ZC3H11A: variants seen among roughly 807,000 people sequenced by gnomAD.
ZC3H11A encodes zinc finger CCCH-type containing 11A.
Under a neutral mutation model 90.8 loss-of-function variants are expected in ZC3H11A, and 22 were observed. That is an observed-to-expected ratio of 0.24 (90% CI 0.17 to 0.35). The LOEUF is 0.35. ZC3H11A is among the 10% of genes least tolerant of loss of function. The pLI, the probability that ZC3H11A is intolerant of heterozygous loss-of-function variation, is 1.00. For missense variants in ZC3H11A, 701 were observed against 964.9 expected, an observed-to-expected ratio of 0.73 and a Z score of 3.62; for synonymous variants, 294 against 339.8, an observed-to-expected ratio of 0.87 and a Z score of 1.48.
At chr1:203,819,201 A>G (rs996493831) in intron 4 of ZC3H11A, among the ~76,000 whole-genome samples, 1 of 148,162 alleles carries the variant, frequency 6.7e-6, no homozygotes, top group Non-Finnish European at 1.5e-5. Flanking sequence ...ACTTTCCTCT[A>G]TGCAATTTTT....
chr1:203,819,089 TACACAC>T (rs200302232), intron 4 of ZC3H11A, among the ~76,000 whole-genome samples: 51,255 of 140,778 alleles, frequency 0.36, 9,810 homozygotes, highest in South Asian at 0.49. Flanking sequence ...TATATATATA[TACACAC>T]ACACACACAC....
At chr1:203,824,601 C>T (rs1213529692) in intron 4 of ZC3H11A, among the ~76,000 whole-genome samples, 1 of 152,078 alleles carries the variant, frequency 6.6e-6, no homozygotes, top group African/African-American at 2.4e-5. Context: ...AGTCACATTT[C>T]CAGGTGAGGC....
chr1:203,798,945 G>T, intron 1 of ZC3H11A: 1 of 1,536,062 alleles, frequency 6.5e-7, no homozygotes, highest in African/African-American at 1.4e-5. Flanking sequence ...TTTAGAGAAT[G>T]TTCAAAGCCA....
At position 203,818,660 on chromosome 1, in the gene ZC3H11A, G is replaced by T. The variant is rs1178032410; in HGVS notation, c.145G>T (p.Val49Leu). Residue 49 changes from valine to leucine, a missense_variant, in exon 4 of 18, where the codon GTG becomes TTG. Around this residue, in one of 4 missense-constraint regions of ZC3H11A, gnomAD observed 59 missense variants for 132.8 expected, o/e 0.44. Coordinates refer to ENST00000367210, the MANE Select transcript of ZC3H11A (RefSeq NM_001376342.1). ...LWQEGRCFRQ[V>L]CRFRHMEIDK... ...GCAAGAAGGGCGCTGTTTTCGACAG[G>T]TGTGCAGGTTTCGGCACATGGAGAT... 2 of 1,614,158 alleles carry T rather than the reference G, an allele frequency of 1.2e-6. No individual in the cohort carries two copies.
Position 203,802,022 on chromosome 1 carries a change from G to C in ZC3H11A, c.-1140G>C, listed in dbSNP as rs1670674455. The C allele has an allele frequency of 6.6e-6, 1 of 152,574 alleles. No homozygotes were observed. The highest frequency in any genetic ancestry group is 2.4e-5 in the African/African-American group (1 of 41,450). 9.5% of individuals were successfully genotyped at this position (152,574 alleles called of 1,614,324 possible). On this transcript the variant is annotated 5_prime_UTR_variant, in exon 2 of 18. Transcript: ENST00000367210. ...ATTTAATGGCAAACCAGTGATACTGGTGTTGATACAAAATAAGAAATAAAT... is the reference window on the plus strand; with the variant it reads ...ATTTAATGGCAAACCAGTGATACTGCTGTTGATACAAAATAAGAAATAAAT...
intron 1 of ZC3H11A, chr1:203,799,665 CT>C (rs1260574935): frequency 1.4e-6 from 1 of 705,366 alleles, no homozygotes; most frequent in African/African-American, 1.7e-5. Context: ...GGTGCTACCC[CT>C]AATCCATCAT....
chr1:203,811,900 C>T (rs993156822), intron 2 of ZC3H11A, among the ~76,000 whole-genome samples: 2 of 151,616 alleles, frequency 1.3e-5, no homozygotes, highest in African/African-American at 4.8e-5. Context: ...ACTGCAACCT[C>T]CACCTCCTGT....
chr1:203,798,532 C>A, intron 1 of ZC3H11A: 2 of 1,536,110 alleles, frequency 1.3e-6, no homozygotes, highest in Non-Finnish European at 1.7e-6. Context: ...GAAGCTGAGA[C>A]TGAGAGAAGT....
chr1:203,806,441 A>G (rs1469488928), intron 2 of ZC3H11A, among the ~76,000 whole-genome samples: 2 of 152,064 alleles, frequency 1.3e-5, no homozygotes, highest in African/African-American at 4.8e-5. Context: ...AGCTGGGATT[A>G]TAGGCATCTG....
At chr1:203,834,972 G>A (rs868589770) in intron 10 of ZC3H11A, among the ~76,000 whole-genome samples, 2 of 152,184 alleles carry the variant, frequency 1.3e-5, no homozygotes, top group Non-Finnish European at 2.9e-5. Context: ...AATTTTTTCT[G>A]ACTTCAGAAT....
At chr1:203,805,898 C>A in intron 2 of ZC3H11A, 1 of 707,336 alleles carries the variant, frequency 1.4e-6, no homozygotes, top group South Asian at 1.3e-5. Flanking sequence ...TCAATCTGGT[C>A]AGTTTTCACT....
chr1:203,831,535 C>T (rs111549977), intron 8 of ZC3H11A, 126 bp from the exon 9 acceptor site: 1 of 711,698 alleles, frequency 1.4e-6, no homozygotes, highest in East Asian at 2.7e-5. Flanking sequence ...TACAGAAAGG[C>T]TGATTGGCTT....
intron 8 of ZC3H11A, among the ~76,000 whole-genome samples, chr1:203,831,209 A>C (rs1418150778): frequency 6.6e-6 from 1 of 151,828 alleles, no homozygotes. Context: ...CCCCAGCCTT[A>C]AAATTTATAG....
intron 17 of ZC3H11A, 64 bp from the exon 18 acceptor site, chr1:203,852,077 A>T (rs1689450643): frequency 6.2e-7 from 1 of 1,601,064 alleles, no homozygotes. Flanking sequence ...TGTCCGTGAG[A>T]CTAGGTGATT....
At position 203,797,836 on chromosome 1, in the gene ZC3H11A, A is replaced by G. The variant is rs3737972; in HGVS notation, c.-1588+2042A>G. ...GATGCCCCTGCTTTGTTAGCTTCCA[A>G]TGACCCTGAGCAGGATGAAGAAAGT... On this transcript the variant is annotated intron_variant, in intron 1 of 17. Coordinates refer to ENST00000367210, the MANE Select transcript of ZC3H11A (RefSeq NM_001376342.1). 0.029 allele frequency: 44,179 copies of G among 1,535,986 alleles called. 3,228 individuals carry two copies. In the East Asian group the frequency reaches 0.33, roughly 11 times the overall value.
At chr1:203,817,163 T>C in intron 3 of ZC3H11A, 39 bp downstream of exon 3, 1 of 1,533,440 alleles carries the variant, frequency 6.5e-7, no homozygotes, top group East Asian at 2.3e-5. Context: ...TTTCTACAAT[T>C]TGCTTAATAG....
intron 15 of ZC3H11A, 22 bp downstream of exon 15, chr1:203,850,048 A>G (rs553777723): frequency 6.2e-7 from 1 of 1,610,786 alleles, no homozygotes. Flanking sequence ...TATACTGTGT[A>G]TTGCTTTAGG....
At position 203,818,307 on chromosome 1, in the gene ZC3H11A, A is replaced by T. The variant is rs1295430994; in HGVS notation, c.55-263A>T. Among the ~76,000 whole-genome samples the T allele has an allele frequency of 3.5e-3, 539 of 151,896 alleles. 4 individuals carry two copies. Among genetic ancestry groups the T allele is most frequent in the Non-Finnish European group, 6.4e-3 (436 of 67,904 alleles). ...AATACATTTTTAAAGAGGACCTAAC[A>T]CTCCTACTTGTCTTTTTCAACTCTT... is the stretch of plus-strand genomic sequence containing the variant. On this transcript the variant is annotated intron_variant, in intron 3 of 17. Transcript: ENST00000367210.
chr1:203,849,775 G>A lies in ZC3H11A; in HGVS notation c.1688G>A (p.Arg563Lys), dbSNP rs1412940553. 1.5e-5 allele frequency: 24 copies of A among 1,613,796 alleles called. No individual in the cohort carries two copies. Among genetic ancestry groups the A allele is most frequent in the Non-Finnish European group, 2.0e-5 (24 of 1,179,876 alleles). Residue 563 changes from arginine to lysine, a missense_variant, in exon 15 of 18, where the codon AGA becomes AAA. By Grantham distance (26) the Arg-to-Lys change is conservative (BLOSUM62 2). This residue lies in a region of ZC3H11A where 530 missense variants were observed against 696.2 expected (regional missense o/e 0.76). Transcript: ENST00000367210. ...CAAGTCAAGAGATGTGAGACCATGAGAGAGAAGCACATGCAGAAACAGCAG... is the reference window on the plus strand; with the variant it reads ...CAAGTCAAGAGATGTGAGACCATGAAAGAGAAGCACATGCAGAAACAGCAG... ...KIQVKRCETMREKHMQKQQER... is the reference protein window; with the variant it reads ...KIQVKRCETMKEKHMQKQQER...
Sources: allele counts gnomAD v4.1 joint callset (sites outside exome capture counted in the v4.1 genomes callset), GRCh38; gene constraint gnomAD v4.1.1; regional missense constraint gnomAD v4.1.1; transcripts MANE v1.5; gene names NCBI Gene and HGNC (gene_info 2026-07-23, HGNC 2026-07-21).